The following RP1 variants were observed in gnomAD, a reference collection of about 807,000 sequenced individuals.
RP1 encodes the protein oxygen-regulated protein 1.
Under a neutral mutation model 14.8 loss-of-function variants are expected in RP1, and 16 were observed. That is an observed-to-expected ratio of 1.08 (90% CI 0.73 to 1.65). The LOEUF (loss-of-function observed/expected upper bound fraction) is 1.65, where lower values mean the gene tolerates loss of function less well. Among genes scored for constraint, RP1 ranks in the 40% most tolerant of loss-of-function variants. RP1 has a pLI of 0.00. For synonymous variants in RP1, 876 were observed against 883.6 expected, an observed-to-expected ratio of 0.99 and a Z score of 0.15; for missense variants, 2,631 against 2,535.0, an observed-to-expected ratio of 1.04 and a Z score of -0.81.
Position 54,559,893 on chromosome 8 carries a change from G to A in RP1, c.-13+573G>A, listed in dbSNP as rs916444076. Among the ~76,000 whole-genome samples the A allele has an allele frequency of 2.6e-5, 4 of 152,282 alleles. No homozygotes were observed. In the South Asian group the frequency reaches 8.3e-4, roughly 32 times the overall value. On this transcript the variant is annotated intron_variant, in intron 1 of 22. Coordinates refer to the RP1 transcript ENST00000636932. ...TATGGACAAGATGAGATGGGGTGGG[G>A]ACATATTTAGGGACTCAGTCCCCAA...
At chr8:54,691,923 G>T (rs150128457) in intron 12 of RP1, among the ~76,000 whole-genome samples, 1 of 151,700 alleles carries the variant, frequency 6.6e-6, no homozygotes, top group Non-Finnish European at 1.5e-5. Context: ...CCATTAACTC[G>T]TCATTTAGCA....
intron 4 of RP1, chr8:54,649,162 C>T: frequency 6.8e-7 from 1 of 1,469,846 alleles, no homozygotes; most frequent in Non-Finnish European, 8.9e-7. Flanking sequence ...AGTAATAAAA[C>T]TGAGTATAAA....
At chr8:54,801,909 T>C (rs1354221988) in intron 24 of RP1, among the ~76,000 whole-genome samples, 1 of 152,228 alleles carries the variant, frequency 6.6e-6, no homozygotes, top group Admixed American at 6.5e-5. Context: ...TTGCAGTTTT[T>C]CTAGGTTTTT....
At chr8:54,656,145 A>C in exon 6 of RP1, 1 of 1,535,646 alleles carries the variant, frequency 6.5e-7, no homozygotes, top group African/African-American at 1.4e-5. Context: ...GATGGTTGGC[A>C]CGAGATCAAG....
intron 12 of RP1, among the ~76,000 whole-genome samples, chr8:54,692,939 T>C (rs1000111507): frequency 6.6e-6 from 1 of 152,168 alleles, no homozygotes; most frequent in African/African-American, 2.4e-5. Context: ...TCTAGGGTTT[T>C]TATGGTTTTA....
chr8:54,732,971 T>C lies in RP1; in HGVS notation c.2522-1574T>C, dbSNP rs888009247. Among the ~76,000 whole-genome samples the C allele has an allele frequency of 5.3e-5, 8 of 152,082 alleles. No homozygotes were observed. The East Asian group carries it at 1.5e-3, about 29-fold the overall frequency. ...CTGAGTCCCAGTCTGTCCATCTGCT[T>C]AATAGGGGACAGCACCTCACAGGAG... On this transcript the variant is annotated intron_variant, in intron 17 of 22. Coordinates refer to the RP1 transcript ENST00000636932.
chr8:54,847,474 A>G (rs1454067715), intron 25 of RP1, among the ~76,000 whole-genome samples: 3 of 152,208 alleles, frequency 2.0e-5, no homozygotes, highest in African/African-American at 7.2e-5. Flanking sequence ...GATAATAATG[A>G]TCTTTTGGCA....
rs6984058 is a variant in RP1, at chr8:54,780,887, C to T, written c.3452-2660C>T. On this transcript the variant is annotated intron_variant, in intron 23 of 28. Coordinates refer to the RP1 transcript ENST00000637698. ...GTCAGTTTTACATATACTGATTGCA[C>T]GTGGTTGCATGAGAATGGAAATGGC... The T allele has an allele frequency of 5.5e-3, 5,433 of 981,696 alleles. 218 individuals are homozygous for T. The African/African-American group carries it at 0.083, about 15-fold the overall frequency. 60.8% of individuals were successfully genotyped at this position (981,696 alleles called of 1,614,324 possible). A position where few individuals can be genotyped will look rare whatever the true frequency, so the allele number is the denominator to read the frequency against.
At chr8:54,684,347 C>T (rs1284501580) in intron 12 of RP1, among the ~76,000 whole-genome samples, 1 of 152,018 alleles carries the variant, frequency 6.6e-6, no homozygotes, top group East Asian at 1.9e-4. Context: ...GGGAGGAGTC[C>T]CTGCTTTTCA....
downstream of RP1, among the ~76,000 whole-genome samples, chr8:54,771,650 G>A (rs1339550082): frequency 6.6e-6 from 1 of 152,008 alleles, no homozygotes; most frequent in Non-Finnish European, 1.5e-5. Context: ...AGACTAATGA[G>A]TTTGGTTAGT....
rs141193718 is a variant in RP1 at position 54,629,391 on chromosome 8, G to A, written c.5509G>A (p.Val1837Ile). The change falls in exon 4 of 4, where the codon GTT becomes ATT. Residue 1837 changes from valine (V) to isoleucine (I), a missense_variant. Physicochemically the swap from Val to Ile is conservative, Grantham distance 29. Transcript: ENST00000220676. ...SEPFHEDLLDVRNETCAKERI... is the reference protein window; with the variant it reads ...SEPFHEDLLDIRNETCAKERI... Reference sequence around the variant, plus strand: ...ACCTTTTCATGAGGACTTGCTGGATGTTCGCAATGAAACCTGTGCCAAGGA... The same window carrying A: ...ACCTTTTCATGAGGACTTGCTGGATATTCGCAATGAAACCTGTGCCAAGGA... 1.1e-4 allele frequency: 174 copies of A among 1,614,102 alleles called. No individual in the cohort carries two copies. In the African/African-American group the frequency reaches 1.4e-3, roughly 13 times the overall value.
chr8:54,571,997 G>T (rs1804534448), intron 1 of RP1, among the ~76,000 whole-genome samples: 1 of 152,104 alleles, frequency 6.6e-6, no homozygotes, highest in African/African-American at 2.4e-5. Flanking sequence ...GTACTGGGGG[G>T]AAGGACTTCA....
chr8:54,808,909 C>T (rs1266357825), intron 24 of RP1, among the ~76,000 whole-genome samples: 1 of 152,144 alleles, frequency 6.6e-6, no homozygotes, highest in Non-Finnish European at 1.5e-5. Context: ...TGTTAAGTTC[C>T]TTATGTTTAA....
chr8:54,627,581 C>T lies in RP1; in HGVS notation c.3699C>T (p.Ser1233=), dbSNP rs114557304. Residue 1233 remains serine (S), a synonymous_variant, in exon 4 of 4, where the codon TCC becomes TCT. Coordinates refer to ENST00000220676, the MANE Select transcript of RP1 (RefSeq NM_006269.2). ...AAAATGAAAGAACACAAGGAATCTC[C>T]TCTTTGGATGGAGGTTGCTCTGCCA... The part of the protein sequence containing the change: ...CSENERTQGI[S]SLDGGCSASE... 0.017 allele frequency: 26,814 copies of T among 1,614,118 alleles called. 373 individuals carry two copies. The highest frequency in any genetic ancestry group is 0.067 in the African/African-American group (4,992 of 75,014).
At chr8:54,637,828 T>C (rs1166046771) in intron 3 of RP1, among the ~76,000 whole-genome samples, 1 of 152,220 alleles carries the variant, frequency 6.6e-6, no homozygotes, top group Non-Finnish European at 1.5e-5. Context: ...GGATTAAAAA[T>C]GGACTACCAT....
chr8:54,628,766 T>C lies in RP1; in HGVS notation c.4884T>C (p.Val1628=). The change falls in exon 4 of 4, where the codon GTT becomes GTC. Residue 1628 remains valine (V), a synonymous_variant. Coordinates refer to ENST00000220676, the MANE Select transcript of RP1 (RefSeq NM_006269.2). The part of the protein sequence containing the change: ...TQEKEYNIGF[V]KRAIEKLYGK... ...AGAAAGAATATAACATAGGATTTGT[T>C]AAAAGGGCAATAGAAAAACTGTACG... 6.2e-7 allele frequency: 1 copy of C among 1,614,078 alleles called. No homozygotes were observed. The highest frequency in any genetic ancestry group is 8.5e-7 in the Non-Finnish European group (1 of 1,179,980).
chr8:54,604,805 G>C (rs568220490), intron 1 of RP1, among the ~76,000 whole-genome samples: 4 of 152,290 alleles, frequency 2.6e-5, no homozygotes, highest in African/African-American at 9.6e-5. Context: ...ATTTCTTCTA[G>C]ATTTTCTAGT....
At chr8:54,679,828 A>C in exon 12 of RP1, 1 of 1,535,996 alleles carries the variant, frequency 6.5e-7, no homozygotes, top group African/African-American at 1.4e-5. Flanking sequence ...CTGGAAGTTT[A>C]CAAAAGGAAA....
chr8:54,655,572 A>G (rs1806738811), intron 5 of RP1, among the ~76,000 whole-genome samples: 1 of 152,226 alleles, frequency 6.6e-6, no homozygotes, highest in African/African-American at 2.4e-5. Context: ...ATCACTTTAA[A>G]CCAAAAGTTA....
Sources: allele counts gnomAD v4.1 joint callset (sites outside exome capture counted in the v4.1 genomes callset), GRCh38; gene constraint gnomAD v4.1.1; transcripts MANE v1.5; gene names NCBI Gene and HGNC (gene_info 2026-07-23, HGNC 2026-07-21).